ANKRD30BL: variants seen among roughly 807,000 people sequenced by gnomAD.
ANKRD30BL encodes the protein putative ankyrin repeat domain-containing protein 30B-like.
In ANKRD30BL, 20 loss-of-function variants were observed where a neutral mutation model predicts 18.4. The observed-to-expected ratio is 1.09, with a 90% confidence interval of 0.77 to 1.58. The LOEUF is 1.58. Among genes scored for constraint, ANKRD30BL ranks in the 40% most tolerant of loss-of-function variants. ANKRD30BL has a pLI of 0.00. For synonymous variants in ANKRD30BL, 72 were observed against 100.9 expected (o/e 0.71, Z 1.72); for missense variants, 224 against 268.6 (o/e 0.83, Z 1.16).
intron 1 of ANKRD30BL, among the ~76,000 whole-genome samples, chr2:132,256,507 C>T (rs531993552): frequency 2.0e-5 from 3 of 152,218 alleles, no homozygotes; most frequent in African/African-American, 4.8e-5. Context: ...GTTTGGGCAG[C>T]GAAGGAGAGG....
Position 132,184,703 on chromosome 2 carries a change from CT to C in ANKRD30BL, n.442-27558del, listed in dbSNP as rs76215687. 1.0e-3 allele frequency among the ~76,000 whole-genome samples: 151 copies of C among 148,238 alleles called. 1 individual carries two copies. The highest frequency in any genetic ancestry group is 1.6e-3 in the East Asian group (8 of 5,086). ...TGAAACGCATCATCCTATATCTTTCCTTTTTTTTTTCTGATTTTGTGACTTG... is the reference window on the plus strand; with the variant it reads ...TGAAACGCATCATCCTATATCTTTCCTTTTTTTTTCTGATTTTGTGACTTG... On this transcript the variant is annotated intron_variant and non_coding_transcript_variant, in intron 1 of 4. Coordinates refer to the ANKRD30BL transcript ENST00000470729.
intron 1 of ANKRD30BL, among the ~76,000 whole-genome samples, chr2:132,218,191 C>A (rs1480999104): frequency 6.6e-6 from 1 of 152,092 alleles, no homozygotes; most frequent in Non-Finnish European, 1.5e-5. Context: ...CAGAGTTGAA[C>A]GTTTCTTTTG....
intron 1 of ANKRD30BL, among the ~76,000 whole-genome samples, chr2:132,256,165 A>G (rs1680828092): frequency 6.6e-6 from 1 of 152,180 alleles, no homozygotes; most frequent in Admixed American, 6.5e-5. Flanking sequence ...CTTTGAGACA[A>G]GCATATGGTT....
chr2:132,217,544 A>G (rs556468771), intron 1 of ANKRD30BL, among the ~76,000 whole-genome samples: 3 of 151,790 alleles, frequency 2.0e-5, no homozygotes, highest in African/African-American at 7.2e-5. Flanking sequence ...ACACTCTTTT[A>G]GTAGAATCTG....
At chr2:132,170,937 A>C (rs568708581) in intron 1 of ANKRD30BL, among the ~76,000 whole-genome samples, 1 of 152,180 alleles carries the variant, frequency 6.6e-6, no homozygotes, top group Non-Finnish European at 1.5e-5. Flanking sequence ...CGGGCGGATC[A>C]CGTGGTGAGG....
chr2:132,254,902 C>A (rs1558744778), intron 1 of ANKRD30BL, among the ~76,000 whole-genome samples: 1 of 152,190 alleles, frequency 6.6e-6, no homozygotes, highest in East Asian at 1.9e-4. Flanking sequence ...CGAGAAAGAG[C>A]TATCAATCTG....
intron 1 of ANKRD30BL, among the ~76,000 whole-genome samples, chr2:132,198,559 G>A (rs1265421941): frequency 1.3e-5 from 2 of 150,852 alleles, no homozygotes; most frequent in Admixed American, 1.3e-4. Flanking sequence ...TCCTGACCTC[G>A]TGATCTGCCC....
chr2:132,175,575 TCCA>T (rs1688353638), intron 1 of ANKRD30BL, among the ~76,000 whole-genome samples: 1 of 152,214 alleles, frequency 6.6e-6, no homozygotes, highest in Admixed American at 6.5e-5. Context: ...GTTTTACTAA[TCCA>T]CCTCAGCACA....
Position 132,161,538 on chromosome 2 carries a change from C to T in ANKRD30BL, c.168G>A (p.Arg56=). ...GGTCCATTGTCGTCTTCTTCATCAT[C>T]CTCTCCAGCTTCCAGGCTTGGCCCC... ...ASRGQAWKLE[R]MMKKTTMDLN... The change falls in exon 1 of 6, where the codon AGG becomes AGA. Residue 56 remains arginine, a synonymous_variant. Transcript: ENST00000409867. The T allele has an allele frequency of 1.4e-6, 2 of 1,456,844 alleles. No homozygotes were observed. The highest frequency in any genetic ancestry group is 1.4e-5 in the African/African-American group (1 of 70,922). The allele number at this position is 1,456,844 out of a possible 1,614,324, so 90.2% of individuals were successfully genotyped here.
chr2:132,167,030 T>C (rs1030168657), intron 1 of ANKRD30BL, among the ~76,000 whole-genome samples: 4 of 151,104 alleles, frequency 2.6e-5, no homozygotes, highest in South Asian at 2.1e-4. Context: ...TTTAGTCTTC[T>C]TTTGGGATGC....
intron 1 of ANKRD30BL, among the ~76,000 whole-genome samples, chr2:132,177,256 C>T (rs538521368): frequency 3.3e-5 from 5 of 152,122 alleles, no homozygotes; most frequent in South Asian, 4.1e-4. Context: ...TGGGTTCAAG[C>T]GATTCTCCTG....
At position 132,247,252 on chromosome 2, in the gene ANKRD30BL, C is replaced by T. The variant is rs569161097; in HGVS notation, n.441+10277G>A. Among the ~76,000 whole-genome samples the T allele has an allele frequency of 4.6e-5, 7 of 151,890 alleles. No homozygotes were observed. In the South Asian group the frequency reaches 6.2e-4, roughly 14 times the overall value. ...CCTTTCATGGAGCAGTTTTGAAACT[C>T]TCTTTTTGTAGTATCTGGAAGTGGA... On this transcript the variant is annotated intron_variant and non_coding_transcript_variant, in intron 1 of 4. Transcript: ENST00000470729.
intron 5 of ANKRD30BL, among the ~76,000 whole-genome samples, 159 bp from the exon 6 acceptor site, chr2:132,148,387 A>G (rs1350261646): frequency 2.6e-4 from 13 of 49,168 alleles, no homozygotes; most frequent in Non-Finnish European, 4.3e-4. Flanking sequence ...TTTTTTTGAG[A>G]CAAGAGCCTC....
chr2:132,187,124 A>T (rs1688574459), intron 1 of ANKRD30BL, among the ~76,000 whole-genome samples: 1 of 152,024 alleles, frequency 6.6e-6, no homozygotes, highest in Admixed American at 6.6e-5. Context: ...TTTTTAAAAA[A>T]AGGATAGAAA....
At chr2:132,219,737 T>A (rs562022310) in intron 1 of ANKRD30BL, among the ~76,000 whole-genome samples, 6 of 152,230 alleles carry the variant, frequency 3.9e-5, no homozygotes, top group African/African-American at 1.4e-4. Context: ...ACCTTTTTTT[T>A]GATAGAGCAG....
chr2:132,212,683 T>G (rs1679388029), intron 1 of ANKRD30BL, among the ~76,000 whole-genome samples: 1 of 152,036 alleles, frequency 6.6e-6, no homozygotes, highest in African/African-American at 2.4e-5. Flanking sequence ...TTCTTTGTGA[T>G]GGGTGCATTC....
chr2:132,254,814 C>A (rs1209304916), intron 1 of ANKRD30BL, among the ~76,000 whole-genome samples: 2 of 152,192 alleles, frequency 1.3e-5, no homozygotes, highest in African/African-American at 4.8e-5. Flanking sequence ...AGTTGGCATG[C>A]CAGAGTCTCG....
At chr2:132,165,151 G>C (rs957565337), upstream of ANKRD30BL, among the ~76,000 whole-genome samples, 2 of 151,890 alleles carry the variant, frequency 1.3e-5, no homozygotes, top group Non-Finnish European at 2.9e-5. Context: ...AGAATACTTT[G>C]GTCCAAATAA....
Position 132,205,911 on chromosome 2 carries a change from A to G in ANKRD30BL, n.442-48765T>C, listed in dbSNP as rs1380463020. ...CACAGTGGCTCATGCCTGTAATCCCAGCACTTTGGGAGGCTGAGGTGGATG... is the reference window on the plus strand; with the variant it reads ...CACAGTGGCTCATGCCTGTAATCCCGGCACTTTGGGAGGCTGAGGTGGATG... On this transcript the variant is annotated intron_variant and non_coding_transcript_variant, in intron 1 of 4. Transcript: ENST00000470729. Among the ~76,000 whole-genome samples, 4 of 152,304 alleles carry G rather than the reference A, an allele frequency of 2.6e-5. No individual in the cohort carries two copies. The East Asian group carries it at 7.8e-4, about 30-fold the overall frequency.
Sources: allele counts gnomAD v4.1 joint callset (sites outside exome capture counted in the v4.1 genomes callset), GRCh38; gene constraint gnomAD v4.1.1; transcripts MANE v1.5; gene names NCBI Gene and HGNC (gene_info 2026-07-23, HGNC 2026-07-21).